The following P2RY8 variants were observed in gnomAD, a reference collection of about 807,000 sequenced individuals.
The protein encoded by P2RY8 is P2Y receptor family member 8, also known as S-geranylgeranyl-glutathione receptor P2RY8.
Under a neutral mutation model 10.0 loss-of-function variants are expected in P2RY8, and 6 were observed. That is an observed-to-expected ratio of 0.60 (90% confidence interval 0.33 to 1.19). The LOEUF is 1.19. Among genes scored for constraint, P2RY8 ranks in the 50% most tolerant of loss-of-function variants. The probability of loss-of-function intolerance (pLI) is 0.04; values close to 1 mark genes in which losing one functional copy is unlikely to be tolerated. For synonymous variants in P2RY8, 276 were observed against 252.5 expected, an observed-to-expected ratio of 1.09 and a Z score of -0.88; for missense variants, 456 against 542.0, an observed-to-expected ratio of 0.84 and a Z score of 1.58.
chrX:1,520,210 TC>T (rs1472226147), intron 1 of P2RY8, among the ~76,000 whole-genome samples: 2 of 151,558 alleles, frequency 1.3e-5, no homozygotes, highest in African/African-American at 4.9e-5. Flanking sequence ...ATCTGTCTGG[TC>T]CCCAATCATC....
intron 1 of P2RY8, among the ~76,000 whole-genome samples, chrX:1,528,406 C>G (rs1189399384): frequency 2.6e-5 from 4 of 152,222 alleles, no homozygotes; most frequent in Non-Finnish European, 4.4e-5. Context: ...TGCACAACTG[C>G]CCCTTGAGGA....
intron 1 of P2RY8, among the ~76,000 whole-genome samples, chrX:1,497,682 G>A (rs1252196154): frequency 3.3e-5 from 5 of 151,980 alleles, no homozygotes; most frequent in Non-Finnish European, 5.9e-5. Context: ...TAAATAGTAT[G>A]CTGACAAGCA....
intron 1 of P2RY8, among the ~76,000 whole-genome samples, chrX:1,521,038 T>TTC (rs1556685213): frequency 4.5e-4 from 64 of 142,012 alleles, no homozygotes; most frequent in African/African-American, 1.7e-3. Context: ...TCTTTTCTTT[T>TTC]TTTTTTTTTT....
intron 1 of P2RY8, among the ~76,000 whole-genome samples, chrX:1,493,762 A>C (rs1603457559): frequency 6.6e-6 from 1 of 152,132 alleles, no homozygotes; most frequent in African/African-American, 2.4e-5. Context: ...CAAACTGGGA[A>C]TCTCCGTTAA....
intron 1 of P2RY8, among the ~76,000 whole-genome samples, chrX:1,480,152 T>C (rs755645533): frequency 6.6e-6 from 1 of 152,280 alleles, no homozygotes; most frequent in African/African-American, 2.4e-5. Context: ...TTCACCAATA[T>C]GTGCTTACAG....
intron 1 of P2RY8, among the ~76,000 whole-genome samples, chrX:1,490,211 T>C (rs1311193093): frequency 1.5e-4 from 20 of 134,968 alleles, no homozygotes; most frequent in Non-Finnish European, 2.9e-4. Context: ...CTTCTGCAAA[T>C]GTAGAGAGAA....
intron 1 of P2RY8, among the ~76,000 whole-genome samples, chrX:1,489,424 TGTAGA>T (rs1429691062): frequency 2.6e-5 from 4 of 151,944 alleles, no homozygotes; most frequent in African/African-American, 7.2e-5. Flanking sequence ...CTTCCGTAAA[TGTAGA>T]GAGAATGAAT....
chrX:1,468,732 T>C (rs1452923581), intron 1 of P2RY8, among the ~76,000 whole-genome samples: 12 of 78,324 alleles, frequency 1.5e-4, no homozygotes, highest in Non-Finnish European at 2.2e-4. Flanking sequence ...CCTCCTCTCC[T>C]CTCTCCTCTC....
chrX:1,500,453 T>A (rs1189689727), intron 1 of P2RY8, among the ~76,000 whole-genome samples: 1 of 151,802 alleles, frequency 6.6e-6, no homozygotes, highest in Non-Finnish European at 1.5e-5. Flanking sequence ...AATTTTTTTT[T>A]TTGTTTTTTG....
At chrX:1,498,258 T>C (rs1299523324) in intron 1 of P2RY8, among the ~76,000 whole-genome samples, 3 of 151,164 alleles carry the variant, frequency 2.0e-5, no homozygotes, top group Non-Finnish European at 4.4e-5. Context: ...CACAAAAAAT[T>C]AGCCGGGTGT....
chrX:1,472,026 C>T (rs2091793808), intron 1 of P2RY8, among the ~76,000 whole-genome samples: 1 of 152,106 alleles, frequency 6.6e-6, no homozygotes, highest in Admixed American at 6.6e-5. Flanking sequence ...AGGCCCTCAA[C>T]CCCAAAGACA....
chrX:1,468,686 G>C (rs187622850), intron 1 of P2RY8, among the ~76,000 whole-genome samples: 1,941 of 151,140 alleles, frequency 0.013, 47 homozygotes, highest in African/African-American at 0.045. Flanking sequence ...GCAACGGACA[G>C]ACCACAGGTG....
chrX:1,524,565 C>G lies in P2RY8; in HGVS notation c.-25+12356G>C, dbSNP rs1338550468. Among the ~76,000 whole-genome samples the G allele has an allele frequency of 3.7e-4, 49 of 131,714 alleles. 5 individuals are homozygous for G. Among genetic ancestry groups the G allele is most frequent in the South Asian group, 7.7e-4 (3 of 3,912 alleles). The allele number at this position is 131,714 out of a possible 152,430, so 86.4% of individuals were successfully genotyped here. On this transcript the variant is annotated intron_variant, in intron 1 of 1. Coordinates refer to ENST00000381297, the MANE Select transcript of P2RY8 (RefSeq NM_178129.5). Reference sequence around the variant, plus strand: ...TCCATCCATCCATGCATGCATCCATCCATCCATCCATCCATCCATCCATCC... The same window carrying G: ...TCCATCCATCCATGCATGCATCCATGCATCCATCCATCCATCCATCCATCC...
chrX:1,520,791 C>T (rs1484052711), intron 1 of P2RY8, among the ~76,000 whole-genome samples: 1 of 151,724 alleles, frequency 6.6e-6, no homozygotes, highest in East Asian at 1.9e-4. Flanking sequence ...CAATAATCTC[C>T]CTCATCCTCA....
intron 1 of P2RY8, among the ~76,000 whole-genome samples, chrX:1,509,761 C>G (rs1394195906): frequency 0.035 from 3,053 of 86,900 alleles, 50 homozygotes; most frequent in Middle Eastern, 0.083. Context: ...GTCTATCTAT[C>G]TATCTATCTA....
chrX:1,476,273 C>T (rs1240283402), intron 1 of P2RY8, among the ~76,000 whole-genome samples: 1 of 151,970 alleles, frequency 6.6e-6, no homozygotes, highest in East Asian at 1.9e-4. Context: ...TCCTTGATAT[C>T]GATTTAGAAA....
chrX:1,532,192 C>A (rs1235566480), intron 1 of P2RY8, among the ~76,000 whole-genome samples: 1 of 151,780 alleles, frequency 6.6e-6, no homozygotes, highest in Non-Finnish European at 1.5e-5. Context: ...TGGAACCAAC[C>A]CAAATGCCCA....
intron 1 of P2RY8, among the ~76,000 whole-genome samples, chrX:1,476,744 A>T (rs751239327): frequency 5.3e-4 from 80 of 152,282 alleles, no homozygotes; most frequent in African/African-American, 1.9e-3. Context: ...TGGTTGCCAC[A>T]ACTTAAGGAA....
At chrX:1,521,944 C>CTCTTT (rs2092395218) in intron 1 of P2RY8, among the ~76,000 whole-genome samples, 4 of 39,032 alleles carry the variant, frequency 1.0e-4, no homozygotes, top group Non-Finnish European at 1.3e-4. Context: ...CTCTCGCTCT[C>CTCTTT]TTTTTTTTTT....
Sources: allele counts gnomAD v4.1 joint callset (sites outside exome capture counted in the v4.1 genomes callset), GRCh38; gene constraint gnomAD v4.1.1; transcripts MANE v1.5; gene names NCBI Gene and HGNC (gene_info 2026-07-23, HGNC 2026-07-21).